PARD3B: variants seen among roughly 807,000 people sequenced by gnomAD.
PARD3B encodes the protein par-3 family cell polarity regulator beta, also known as partitioning defective 3 homolog B.
Under a neutral mutation model 130.2 loss-of-function variants are expected in PARD3B, and 103 were observed. The ratio of observed to expected loss-of-function variants is 0.79; its 90% CI spans 0.67 to 0.93. PARD3B has a LOEUF of 0.93. PARD3B is among the 40% of genes least tolerant of loss of function. PARD3B has a pLI of 0.00. For missense variants in PARD3B, 1,609 were observed against 1,499.2 expected, an observed-to-expected ratio of 1.07 and a Z score of -1.21; for synonymous variants, 583 against 553.2, an observed-to-expected ratio of 1.05 and a Z score of -0.76.
chr2:204,787,911 T>C (rs538503671), intron 2 of PARD3B, among the ~76,000 whole-genome samples: 1 of 152,310 alleles, frequency 6.6e-6, no homozygotes, highest in East Asian at 1.9e-4. Context: ...GAACTGGATT[T>C]GTCCATTGAT....
chr2:204,766,348 C>T (rs2041147471), intron 2 of PARD3B, among the ~76,000 whole-genome samples: 1 of 152,018 alleles, frequency 6.6e-6, no homozygotes, highest in Non-Finnish European at 1.5e-5. Context: ...CAGTAACTAC[C>T]CATTGTAGAA....
At chr2:205,273,003 C>T (rs1354829149) in intron 16 of PARD3B, among the ~76,000 whole-genome samples, 1 of 152,148 alleles carries the variant, frequency 6.6e-6, no homozygotes, top group African/African-American at 2.4e-5. Flanking sequence ...AAATCAAAAT[C>T]ATCCTCTTTA....
Position 205,467,092 on chromosome 2 carries a change from A to T in PARD3B, c.3044+26420A>T, listed in dbSNP as rs201789704. Among the ~76,000 whole-genome samples, 17 of 152,372 alleles carry T rather than the reference A, an allele frequency of 1.1e-4. No homozygotes were observed. The East Asian group carries it at 3.3e-3, about 29-fold the overall frequency. ...TATCATCTCCATTGATCTGCATCAT[A>T]AACAAGCACAAAGGTTTCTAGAATA... On this transcript the variant is annotated intron_variant, in intron 20 of 22. Coordinates refer to ENST00000406610, the MANE Select transcript of PARD3B (RefSeq NM_001302769.2).
chr2:205,429,556 C>T (rs1379163714), intron 19 of PARD3B, among the ~76,000 whole-genome samples: 2 of 152,100 alleles, frequency 1.3e-5, no homozygotes, highest in African/African-American at 4.8e-5. Flanking sequence ...ATCAGTTTGT[C>T]TCCTTAGCAT....
At chr2:205,538,850 A>G (rs1373747971) in intron 21 of PARD3B, among the ~76,000 whole-genome samples, 1 of 152,222 alleles carries the variant, frequency 6.6e-6, no homozygotes, top group Non-Finnish European at 1.5e-5. Context: ...AATAGTAAGA[A>G]TGAATATTTA....
chr2:204,613,492 C>T (rs1044949190), intron 1 of PARD3B, among the ~76,000 whole-genome samples: 3 of 152,056 alleles, frequency 2.0e-5, no homozygotes, highest in Non-Finnish European at 4.4e-5. Context: ...CTTTATCCTT[C>T]GCCTATTCTC....
chr2:204,731,139 T>G (rs887591256), intron 2 of PARD3B, among the ~76,000 whole-genome samples: 8 of 152,196 alleles, frequency 5.3e-5, no homozygotes, highest in African/African-American at 1.9e-4. Context: ...CTAGTTTTGT[T>G]TTTGCCATTT....
chr2:204,977,214 A>C (rs1397452370), intron 3 of PARD3B, among the ~76,000 whole-genome samples: 43 of 152,160 alleles, frequency 2.8e-4, no homozygotes, highest in Admixed American at 2.8e-3. Context: ...AATTGCTTTG[A>C]TCTTTTTTAT....
At position 205,615,607 on chromosome 2, in the gene PARD3B, CG is replaced by C. The variant is rs1559274885; in HGVS notation, c.3414del (p.Tyr1139IlefsTer63). On this transcript the variant is annotated frameshift_variant, in exon 23 of 23. Coordinates refer to ENST00000406610, the MANE Select transcript of PARD3B (RefSeq NM_001302769.2). LOFTEE classifies it high-confidence loss of function. ...RPTELRVADLRYPQHYPPPPA... is the reference protein window; with the variant it reads ...RPTELRVADLXYPQHYPPPPA... ...CACAGAGCTCAGGGTGGCAGATCTC[CG>C]GTATCCTCAGCACTACCCACCCCCG... 1.2e-6 allele frequency: 2 copies of C among 1,614,018 alleles called. No homozygotes were observed. Among genetic ancestry groups the C allele is most frequent in the Non-Finnish European group, 1.7e-6 (2 of 1,179,950 alleles).
intron 10 of PARD3B, among the ~76,000 whole-genome samples, chr2:205,156,221 A>T (rs1469853619): frequency 1.5e-5 from 2 of 130,282 alleles, no homozygotes; most frequent in African/African-American, 5.7e-5. Context: ...ATGAGAACAC[A>T]TGGACACAGG....
rs756948712 is a variant in PARD3B, at chr2:205,288,286, G to C, written c.2186-12244G>C. 6.6e-6 allele frequency among the ~76,000 whole-genome samples: 1 copy of C among 152,062 alleles called. No individual in the cohort carries two copies. On this transcript the variant is annotated intron_variant, in intron 16 of 22. Transcript: ENST00000406610. This position sits in a 1 kb window ranked among gnomAD's most constrained non-coding sequence, Gnocchi z 4.0. ...CTGCACCCTATCCCTCCTCGTCAGA[G>C]AAAAACCTGGGGAAAATAGTTCTGT... is the stretch of plus-strand genomic sequence containing the variant.
At chr2:205,500,900 C>T (rs374802614) in intron 21 of PARD3B, among the ~76,000 whole-genome samples, 121 of 152,276 alleles carry the variant, frequency 7.9e-4, no homozygotes, top group African/African-American at 2.8e-3. Flanking sequence ...TCTACTGCGC[C>T]TTTTAGAGCT....
At chr2:204,681,399 T>A (rs2036826842) in intron 1 of PARD3B, among the ~76,000 whole-genome samples, 1 of 152,122 alleles carries the variant, frequency 6.6e-6, no homozygotes, top group South Asian at 2.1e-4. Flanking sequence ...CGGGTCCCAT[T>A]CTAGTTCTGC....
At chr2:205,365,376 G>A (rs541359583) in intron 18 of PARD3B, among the ~76,000 whole-genome samples, 105 of 59,822 alleles carry the variant, frequency 1.8e-3, no homozygotes, top group East Asian at 3.7e-3. Flanking sequence ...GCGAGACTCC[G>A]TCTCAGAAAA....
intron 18 of PARD3B, among the ~76,000 whole-genome samples, chr2:205,387,744 A>T (rs947920810): frequency 1.3e-5 from 2 of 152,210 alleles, no homozygotes; most frequent in Non-Finnish European, 2.9e-5. Context: ...AAGTTTAGAA[A>T]TACTAAAAAT....
At chr2:205,231,501 A>ATT (rs1278709655) in intron 15 of PARD3B, among the ~76,000 whole-genome samples, 28 of 130,652 alleles carry the variant, frequency 2.1e-4, no homozygotes, top group Admixed American at 3.9e-4. Flanking sequence ...TAATTTTTGT[A>ATT]TTTTTTTTTT....
rs374389199 is a variant in PARD3B at position 204,623,828 on chromosome 2, C to T, written c.121-62353C>T. 1.3e-5 allele frequency among the ~76,000 whole-genome samples: 2 copies of T among 152,182 alleles called. No individual in the cohort carries two copies. The highest frequency in any genetic ancestry group is 4.8e-5 in the African/African-American group (2 of 41,464). On this transcript the variant is annotated intron_variant, in intron 1 of 22. Coordinates refer to ENST00000406610, the MANE Select transcript of PARD3B (RefSeq NM_001302769.2). The surrounding 1 kb of genome is among the most constrained non-coding windows in gnomAD (Gnocchi z 4.5). ...ACTGCTTATTTCTCCCTGTCCCCAA[C>T]TAACAGCCACCATTATACTCTGTGC...
intron 18 of PARD3B, among the ~76,000 whole-genome samples, chr2:205,344,194 TTGTGTGTGTGTG>T (rs1553681141): frequency 1.4e-5 from 2 of 140,958 alleles, no homozygotes; most frequent in African/African-American, 5.2e-5. Context: ...GTCAGTTGGT[TTGTGTGTGTGTG>T]TGTGTGTGTG....
intron 2 of PARD3B, among the ~76,000 whole-genome samples, chr2:204,944,692 T>C (rs959036788): frequency 1.3e-5 from 2 of 152,244 alleles, no homozygotes; most frequent in African/African-American, 4.8e-5. Flanking sequence ...GTGAGTTTTC[T>C]AAATTTTAGA....
Sources: allele counts gnomAD v4.1 joint callset (sites outside exome capture counted in the v4.1 genomes callset), GRCh38; gene constraint gnomAD v4.1.1; non-coding constraint Gnocchi (gnomAD v3.1); transcripts MANE v1.5; gene names NCBI Gene and HGNC (gene_info 2026-07-23, HGNC 2026-07-21).